Variants in COL15A1 observed in about 807,000 individuals in gnomAD.
COL15A1 encodes collagen alpha-1(XV) chain.
COL15A1 carries 111 observed loss-of-function variants against 165.9 expected under a neutral mutation model. That is an observed-to-expected ratio of 0.67 (90% CI 0.57 to 0.78). The LOEUF (loss-of-function observed/expected upper bound fraction) is 0.78, where lower values mean the gene tolerates loss of function less well. COL15A1 is among the 30% of genes least tolerant of loss of function. The probability of loss-of-function intolerance (pLI) is 0.00; values close to 1 mark genes in which losing one functional copy is unlikely to be tolerated. For missense variants in COL15A1, 1,745 were observed against 1,789.7 expected, an observed-to-expected ratio of 0.98 and a Z score of 0.45; for synonymous variants, 659 against 674.8, an observed-to-expected ratio of 0.98 and a Z score of 0.36.
In COL15A1 at chr9:99,034,170, C is replaced by T. The variant is rs572958811; in HGVS notation, c.2044-379C>T. On this transcript the variant is annotated intron_variant, in intron 16 of 41. Coordinates refer to ENST00000375001, the MANE Select transcript of COL15A1 (RefSeq NM_001855.5). ...ACATTTCAGATCATGAAGCCCCTTC[C>T]CTCGCTTTAGAGTGGGTGAAGTACC... 3.1e-4 allele frequency among the ~76,000 whole-genome samples: 47 copies of T among 152,330 alleles called. 1 individual carries two copies. The South Asian group carries it at 9.3e-3, about 30-fold the overall frequency.
At chr9:99,005,967 G>A (rs767276944) in intron 9 of COL15A1, among the ~76,000 whole-genome samples, 55 of 152,120 alleles carry the variant, frequency 3.6e-4, no homozygotes, top group Non-Finnish European at 5.9e-4. Flanking sequence ...ACCACCTCTT[G>A]GGCCCGTCCT....
rs1279310260 is a variant in COL15A1 at position 99,059,951 on chromosome 9, C to G, written c.3400C>G (p.Leu1134Val). The change falls in exon 36 of 42, where the codon CTG (leucine) becomes GTG (valine). Residue 1134 changes from leucine to valine, a missense_variant and splice_region_variant. Leu to Val is a conservative substitution (Grantham distance 32). Transcript: ENST00000375001. Reference protein sequence around the residue: ...GQPGLPGSRNLVTAFSNMDDM... With the variant: ...GQPGLPGSRNVVTAFSNMDDM... ...GCCAGGGCTTCCCGGATCCAGAAACCTGGTCAGTATTATCATCAGTGTGTA... is the reference window on the plus strand; with the variant it reads ...GCCAGGGCTTCCCGGATCCAGAAACGTGGTCAGTATTATCATCAGTGTGTA... 4 of 1,613,928 alleles carry G rather than the reference C, an allele frequency of 2.5e-6. No homozygotes were observed. Among genetic ancestry groups the G allele is most frequent in the Admixed American group, 1.7e-5 (1 of 59,960 alleles).
intron 6 of COL15A1, among the ~76,000 whole-genome samples, chr9:98,998,783 G>T (rs192904253): frequency 6.6e-6 from 1 of 152,214 alleles, no homozygotes; most frequent in South Asian, 2.1e-4. Flanking sequence ...AACGCAGCTC[G>T]CCTGTTCCCG....
Position 98,986,041 on chromosome 9 carries a change from G to T in COL15A1, c.577G>T (p.Ala193Ser). ...CATCCCCTTCCAGCGGTCCTCCCAG[G>T]CTTTGGCTTTTGAGTCCAGCGCTGG... ...SRIPFQRSSQ[A>S]LAFESSAGIF... The change falls in exon 3 of 42, where the codon GCT (alanine) becomes TCT (serine). Residue 193 changes from alanine to serine, a missense_variant. By Grantham distance (99) the Ala-to-Ser change is moderately conservative. Transcript: ENST00000375001. The T allele has an allele frequency of 6.2e-7, 1 of 1,614,094 alleles. No individual in the cohort carries two copies. Among genetic ancestry groups the T allele is most frequent in the Non-Finnish European group, 8.5e-7 (1 of 1,180,018 alleles).
In COL15A1 at chr9:98,985,778, G is replaced by A. The variant is rs769945542; in HGVS notation, c.314G>A (p.Gly105Asp). Reference protein sequence around the residue: ...VVVKPSSTRGGVLFAITDAFQ... With the variant: ...VVVKPSSTRGDVLFAITDAFQ... The stretch of plus-strand genomic sequence containing the variant: ...GTGAAGCCCAGCAGCACCCGTGGTG[G>A]CGTGCTCTTCGCCATCACTGACGCC... Residue 105 changes from glycine (G) to aspartate (D), a missense_variant, in exon 3 of 42, where the codon GGC (glycine) becomes GAC (aspartate). Physicochemically the swap from Gly to Asp is moderately conservative, Grantham distance 94. Transcript: ENST00000375001. 1.9e-6 allele frequency: 3 copies of A among 1,613,922 alleles called. No individual in the cohort carries two copies. In the African/African-American group the frequency reaches 4.0e-5, roughly 22 times the overall value.
At position 99,035,049 on chromosome 9, in the gene COL15A1, G is replaced by T. The variant is rs778442724; in HGVS notation, c.2115G>T (p.Pro705=). Reference sequence around the variant, plus strand: ...GCAACAGAGGCTTACCTGGACCCCCGGGGAAAAAGGGACAAGCTGGCCCTC... The same window carrying T: ...GCAACAGAGGCTTACCTGGACCCCCTGGGAAAAAGGGACAAGCTGGCCCTC... ...DPGNRGLPGP[P]GKKGQAGPPG... is the part of the protein sequence containing the mutation. Residue 705 remains proline (P), a synonymous_variant, in exon 18 of 42, where the codon CCG becomes CCT. Coordinates refer to ENST00000375001, the MANE Select transcript of COL15A1 (RefSeq NM_001855.5). 4.3e-6 allele frequency: 7 copies of T among 1,611,902 alleles called. No individual in the cohort carries two copies. The East Asian group carries it at 1.3e-4, about 31-fold the overall frequency.
At chr9:99,052,625 A>C (rs1294074925) in intron 31 of COL15A1, among the ~76,000 whole-genome samples, 192 bp downstream of exon 31, 1 of 152,158 alleles carries the variant, frequency 6.6e-6, no homozygotes, top group African/African-American at 2.4e-5. Context: ...ACATGTGCCT[A>C]TTCTGCTCAT....
At chr9:98,953,432 A>G (rs1837722545) in intron 2 of COL15A1, among the ~76,000 whole-genome samples, 1 of 151,954 alleles carries the variant, frequency 6.6e-6, no homozygotes, top group Admixed American at 6.6e-5. Context: ...ACTCAACCCA[A>G]CCCAACCCTA....
intron 41 of COL15A1, 89 bp downstream of exon 41, chr9:99,068,759 C>T (rs1365375580): frequency 2.1e-5 from 16 of 779,116 alleles, no homozygotes; most frequent in Admixed American, 9.3e-5. Flanking sequence ...AGCTGCTTCT[C>T]TAGGATATTG....
intron 13 of COL15A1, among the ~76,000 whole-genome samples, chr9:99,022,835 C>T (rs1299689977): frequency 6.6e-6 from 1 of 152,214 alleles, no homozygotes; most frequent in African/African-American, 2.4e-5. Context: ...ACATTTGATG[C>T]CATTCAAGTA....
chr9:98,992,576 G>A (rs1247614203), intron 5 of COL15A1, among the ~76,000 whole-genome samples: 1 of 152,262 alleles, frequency 6.6e-6, no homozygotes. Context: ...GGGCTGAAGG[G>A]CTCCTCAGGT....
intron 9 of COL15A1, among the ~76,000 whole-genome samples, chr9:99,009,242 T>C (rs1256837339): frequency 1.3e-5 from 2 of 152,214 alleles, no homozygotes; most frequent in African/African-American, 2.4e-5. Flanking sequence ...GAAACAGTCA[T>C]AGTTAAAGAC....
intron 2 of COL15A1, among the ~76,000 whole-genome samples, chr9:98,945,267 G>A (rs1185837102): frequency 1.3e-5 from 2 of 152,130 alleles, no homozygotes; most frequent in Non-Finnish European, 2.9e-5. Flanking sequence ...TGAGGTTTGG[G>A]CTTCTATTAA....
At chr9:99,016,207 C>A in intron 11 of COL15A1, 88 bp downstream of exon 11, 1 of 1,447,416 alleles carries the variant, frequency 6.9e-7, no homozygotes, top group Non-Finnish European at 9.1e-7. Flanking sequence ...GGCTGGCCCC[C>A]AGCTTTCTCA....
chr9:99,068,808 AG>A, intron 41 of COL15A1, 138 bp downstream of exon 41: 1 of 567,850 alleles, frequency 1.8e-6, no homozygotes, highest in South Asian at 2.3e-5. Context: ...AGGGCCTCAG[AG>A]AAAGCCTTGT....
chr9:99,012,317 A>G (rs1487194047), intron 9 of COL15A1, among the ~76,000 whole-genome samples: 1 of 152,250 alleles, frequency 6.6e-6, no homozygotes, highest in African/African-American at 2.4e-5. Context: ...ACACACATAC[A>G]TACTCATACA....
chr9:98,999,108 G>T (rs1203880308), intron 6 of COL15A1, among the ~76,000 whole-genome samples: 2 of 152,232 alleles, frequency 1.3e-5, no homozygotes, highest in Non-Finnish European at 2.9e-5. Flanking sequence ...TCCATCACAG[G>T]ATGGGACAGG....
In COL15A1 at chr9:99,022,128, C is replaced by G; in HGVS notation, c.1739C>G (p.Pro580Arg). The change falls in exon 13 of 42, where the codon CCT (proline) becomes CGT (arginine). Residue 580 changes from proline (P) to arginine (R), a missense_variant. Physicochemically the swap from Pro to Arg is moderately radical, Grantham distance 103. Transcript: ENST00000375001. ...AGEELPGPPEPSGPVGPTAGA... is the reference protein window; with the variant it reads ...AGEELPGPPERSGPVGPTAGA... ...GAGGAGCTTCCTGGCCCTCCTGAAC[C>G]TTCTGGGCCTGTTGGACCCACGGTG... 6.2e-7 allele frequency: 1 copy of G among 1,614,078 alleles called. No homozygotes were observed. The highest frequency in any genetic ancestry group is 8.5e-7 in the Non-Finnish European group (1 of 1,179,992).
chr9:98,971,099 C>T (rs547543552), intron 2 of COL15A1, among the ~76,000 whole-genome samples: 4 of 152,300 alleles, frequency 2.6e-5, no homozygotes, highest in African/African-American at 9.6e-5. Flanking sequence ...CTCCCTTTCT[C>T]ATCCCCAGCC....
Sources: allele counts gnomAD v4.1 joint callset (sites outside exome capture counted in the v4.1 genomes callset), GRCh38; gene constraint gnomAD v4.1.1; transcripts MANE v1.5; gene names NCBI Gene and HGNC (gene_info 2026-07-23, HGNC 2026-07-21).